Variants in SLC13A3 observed in about 807,000 individuals in gnomAD.
SLC13A3 encodes the protein Na(+)/dicarboxylate cotransporter 3.
Under a neutral mutation model 59.0 loss-of-function variants are expected in SLC13A3, and 40 were observed. That is an observed-to-expected ratio of 0.68 (90% CI 0.53 to 0.88). The LOEUF is 0.88. Among genes scored for constraint, SLC13A3 ranks in the 40% least tolerant of loss-of-function variants. The pLI, the probability that SLC13A3 is intolerant of heterozygous loss-of-function variation, is 0.00. For missense variants in SLC13A3, 699 were observed against 783.2 expected, an observed-to-expected ratio of 0.89 and a Z score of 1.28; for synonymous variants, 317 against 330.3, an observed-to-expected ratio of 0.96 and a Z score of 0.44.
intron 9 of SLC13A3, chr20:46,583,082 T>C: frequency 1.0e-6 from 1 of 985,408 alleles, no homozygotes; most frequent in Non-Finnish European, 1.2e-6. Context: ...CAAGGGGTCA[T>C]TTTTCTGCAA....
intron 1 of SLC13A3, among the ~76,000 whole-genome samples, chr20:46,628,419 A>G (rs1194558969): frequency 6.6e-6 from 1 of 152,196 alleles, no homozygotes; most frequent in African/African-American, 2.4e-5. Context: ...TGCCGTCAGA[A>G]GCCAGTGGGA....
intron 10 of SLC13A3, among the ~76,000 whole-genome samples, chr20:46,571,287 C>T (rs863672): frequency 0.88 from 134,053 of 152,196 alleles, 59,355 homozygotes; most frequent in East Asian, 0.99. Context: ...AGATGACAGA[C>T]TTCTGGCAGA....
chr20:46,568,767 G>A (rs2062004365), intron 10 of SLC13A3, among the ~76,000 whole-genome samples: 2 of 152,174 alleles, frequency 1.3e-5, no homozygotes, highest in Non-Finnish European at 2.9e-5. Flanking sequence ...CTAGAGAGAG[G>A]GAATATTAAT....
chr20:46,672,596 G>A (rs2063099455), upstream of SLC13A3, among the ~76,000 whole-genome samples: 1 of 152,172 alleles, frequency 6.6e-6, no homozygotes, highest in Admixed American at 6.5e-5. Flanking sequence ...CTGGGAGGCA[G>A]GGCCTATTCC....
At chr20:46,632,646 C>T (rs1261251356) in intron 1 of SLC13A3, among the ~76,000 whole-genome samples, 1 of 152,040 alleles carries the variant, frequency 6.6e-6, no homozygotes, top group Non-Finnish European at 1.5e-5. Context: ...GAGCAGATGA[C>T]TTAACTTTGT....
chr20:46,613,607 G>A lies in SLC13A3; in HGVS notation c.230C>T (p.Pro77Leu), dbSNP rs762025403. ...GTACTGGGGGCAGACCTTGTTGGAG[G>A]GCAAGATGCCCATGAAGGGGAAGAG... ...IVLFPFMGIL[P>L]SNKVCPQYFL... Residue 77 changes from proline (P) to leucine (L), a missense_variant, in exon 2 of 13, where the codon CCC (proline) becomes CTC (leucine). Physicochemically the swap from Pro to Leu is moderately conservative, Grantham distance 98. Transcript: ENST00000279027. The A allele has an allele frequency of 1.2e-6, 2 of 1,613,050 alleles. No individual in the cohort carries two copies. The highest frequency in any genetic ancestry group is 1.3e-5 in the African/African-American group (1 of 74,920).
At chr20:46,652,890 T>G (rs2062962047), upstream of SLC13A3, among the ~76,000 whole-genome samples, 1 of 152,214 alleles carries the variant, frequency 6.6e-6, no homozygotes, top group Non-Finnish European at 1.5e-5. Flanking sequence ...TCATCCAGTT[T>G]CTCCACATCT....
intron 3 of SLC13A3, chr20:46,600,677 C>A: frequency 2.5e-6 from 1 of 404,278 alleles, no homozygotes. Context: ...TCCATTCATT[C>A]ATTCATCCAA....
chr20:46,619,843 G>A (rs1433391740), intron 1 of SLC13A3, among the ~76,000 whole-genome samples: 1 of 152,116 alleles, frequency 6.6e-6, no homozygotes, highest in Admixed American at 6.5e-5. Flanking sequence ...ACAGCACTCG[G>A]TTCACAGAAG....
intron 5 of SLC13A3, among the ~76,000 whole-genome samples, chr20:46,595,112 T>A (rs2062297711): frequency 6.6e-6 from 1 of 152,234 alleles, no homozygotes; most frequent in Admixed American, 6.5e-5. Flanking sequence ...GTTGGCCAAA[T>A]GCTTACATTT....
chr20:46,596,083 T>C (rs2122693358), intron 5 of SLC13A3, 74 bp downstream of exon 5: 1 of 1,400,026 alleles, frequency 7.1e-7, no homozygotes, highest in East Asian at 2.3e-5. Context: ...ACACATTCCC[T>C]GGATGTTGAA....
chr20:46,598,992 G>T (rs1424924906), intron 4 of SLC13A3, among the ~76,000 whole-genome samples: 2 of 152,274 alleles, frequency 1.3e-5, no homozygotes, highest in South Asian at 2.1e-4. Context: ...GCTCAAGGAC[G>T]ATCTTCTTGT....
intron 1 of SLC13A3, among the ~76,000 whole-genome samples, chr20:46,643,783 C>G (rs1453206903): frequency 1.3e-5 from 2 of 152,158 alleles, no homozygotes; most frequent in Non-Finnish European, 2.9e-5. Flanking sequence ...GTTGCTCGTG[C>G]CTGTAATCCC....
Position 46,575,684 on chromosome 20 carries a change from A to G in SLC13A3, c.1221T>C (p.Ala407=). The change falls in exon 10 of 13, where the codon GCT becomes GCC. Residue 407 remains alanine (A), a splice_region_variant and synonymous_variant. Transcript: ENST00000279027. ...PSLKWWFDFK[A]PNTETEPLLT... ...GCAAGGGCTCTGTCTCTGTGTTGGG[A>G]GCTGGGCAGAGAGAGGGATTCAGCA... 6.3e-7 allele frequency: 1 copy of G among 1,576,212 alleles called. No individual in the cohort carries two copies. Among genetic ancestry groups the G allele is most frequent in the Non-Finnish European group, 8.6e-7 (1 of 1,157,668 alleles).
chr20:46,566,104 C>A, intron 11 of SLC13A3, 125 bp downstream of exon 11: 1 of 738,126 alleles, frequency 1.4e-6, no homozygotes, highest in Non-Finnish European at 2.4e-6. Flanking sequence ...GGTTCTGATA[C>A]GTTCATGTAT....
chr20:46,604,928 C>T (rs957188451), intron 3 of SLC13A3, among the ~76,000 whole-genome samples: 4 of 152,162 alleles, frequency 2.6e-5, no homozygotes, highest in Non-Finnish European at 5.9e-5. Flanking sequence ...CGCTAGCTCG[C>T]TCTACCCTCT....
At chr20:46,633,040 A>T (rs1403691568) in intron 1 of SLC13A3, among the ~76,000 whole-genome samples, 7 of 151,900 alleles carry the variant, frequency 4.6e-5, no homozygotes. Flanking sequence ...GTTACCTACT[A>T]CTGGCAGCTG....
chr20:46,653,071 C>T (rs191701536), upstream of SLC13A3, among the ~76,000 whole-genome samples: 619 of 152,228 alleles, frequency 4.1e-3, 2 homozygotes, highest in Middle Eastern at 0.014. Context: ...ACTATCTTTT[C>T]CTGTCATTTG....
intron 1 of SLC13A3, among the ~76,000 whole-genome samples, chr20:46,665,577 T>C (rs565728481): frequency 2.4e-4 from 37 of 152,394 alleles, no homozygotes; most frequent in African/African-American, 8.7e-4. Flanking sequence ...GCATTGGTAC[T>C]ACATTTCTTT....
Sources: allele counts gnomAD v4.1 joint callset (sites outside exome capture counted in the v4.1 genomes callset), GRCh38; gene constraint gnomAD v4.1.1; transcripts MANE v1.5; gene names NCBI Gene and HGNC (gene_info 2026-07-23, HGNC 2026-07-21).